RASGRP3: variants seen among roughly 807,000 people sequenced by gnomAD.
RASGRP3 encodes RAS guanyl releasing protein 3.
Under a neutral mutation model 82.7 loss-of-function variants are expected in RASGRP3, and 54 were observed. The observed-to-expected ratio is 0.65, with a 90% CI of 0.52 to 0.82. The LOEUF (loss-of-function observed/expected upper bound fraction) is 0.82, where lower values mean the gene tolerates loss of function less well. Ranked by LOEUF, RASGRP3 falls within the 40% of genes least tolerant of loss-of-function variation. The probability of loss-of-function intolerance (pLI) is 0.00; values close to 1 mark genes in which losing one functional copy is unlikely to be tolerated. For missense variants in RASGRP3, 861 were observed against 828.9 expected, an observed-to-expected ratio of 1.04 and a Z score of -0.48; for synonymous variants, 309 against 300.5, an observed-to-expected ratio of 1.03 and a Z score of -0.29.
intron 2 of RASGRP3, among the ~76,000 whole-genome samples, chr2:33,450,876 C>T (rs1381252807): frequency 1.3e-4 from 9 of 71,888 alleles, no homozygotes; most frequent in African/African-American, 3.1e-4. Context: ...CTTGCTCATT[C>T]GCCCAGGCTG....
chr2:33,504,682 T>C (rs1238265163), intron 1 of RASGRP3, among the ~76,000 whole-genome samples: 2 of 152,212 alleles, frequency 1.3e-5, no homozygotes, highest in African/African-American at 2.4e-5. Context: ...TTAGGAGAGA[T>C]TTTGTAGTCC....
chr2:33,554,409 AT>A (rs960024716), intron 14 of RASGRP3, among the ~76,000 whole-genome samples: 1 of 152,162 alleles, frequency 6.6e-6, no homozygotes, highest in Non-Finnish European at 1.5e-5. Context: ...CCCATACTGT[AT>A]GCCTCTGGTG....
At chr2:33,479,314 C>A (rs188586753) in intron 1 of RASGRP3, among the ~76,000 whole-genome samples, 1 of 152,122 alleles carries the variant, frequency 6.6e-6, no homozygotes, top group Non-Finnish European at 1.5e-5. Flanking sequence ...GAACAGCAAC[C>A]GGGAACTTTG....
At chr2:33,557,154 G>A (rs917955292) in intron 15 of RASGRP3, among the ~76,000 whole-genome samples, 1 of 152,186 alleles carries the variant, frequency 6.6e-6, no homozygotes, top group African/African-American at 2.4e-5. Context: ...TCTCAGTGAA[G>A]TGCAGGACCC....
In RASGRP3 at chr2:33,529,291, G is replaced by A. The variant is rs546659097; in HGVS notation, c.1083+1879G>A. On this transcript the variant is annotated intron_variant, in intron 10 of 17. Transcript: ENST00000403687. ...GGGCAGATCACAAGGTCAGGAGATC[G>A]AGACCATCCTGGCTAACACGGTGAA... is the stretch of plus-strand genomic sequence containing the variant. Among the ~76,000 whole-genome samples the A allele has an allele frequency of 1.5e-4, 23 of 151,612 alleles. No individual in the cohort carries two copies. The South Asian group carries it at 3.8e-3, about 25-fold the overall frequency.
chr2:33,559,631 T>C (rs1676425036), intron 17 of RASGRP3: 2 of 518,774 alleles, frequency 3.9e-6, no homozygotes, highest in Non-Finnish European at 7.7e-6. Flanking sequence ...TGATTCAAGA[T>C]GGAGTTAGAT....
Position 33,558,812 on chromosome 2 carries a change from A to G in RASGRP3, c.1846A>G (p.Thr616Ala). 6.2e-7 allele frequency: 1 copy of G among 1,614,018 alleles called. No individual in the cohort carries two copies. Among genetic ancestry groups the G allele is most frequent in the African/African-American group, 1.3e-5 (1 of 75,042 alleles). ...GGCCACCACCAGCCAGGCCACCCAG[A>G]CTGAACCTGTCTGGTCAGAGGCTGG... ...QRATTSQATQ[T>A]EPVWSEAGWG... The change falls in exon 17 of 18, where the codon ACT (threonine) becomes GCT (alanine). Residue 616 changes from threonine to alanine, a missense_variant. By Grantham distance (58) the Thr-to-Ala change is moderately conservative. Coordinates refer to ENST00000403687, the MANE Select transcript of RASGRP3 (RefSeq NM_001139488.2).
intron 14 of RASGRP3, 40 bp downstream of exon 14, chr2:33,549,791 T>C: frequency 6.3e-7 from 1 of 1,579,844 alleles, no homozygotes; most frequent in Non-Finnish European, 8.6e-7. Context: ...TGTGTAGTTA[T>C]TTGTGTGGCA....
At chr2:33,489,718 T>A (rs972154775) in intron 1 of RASGRP3, among the ~76,000 whole-genome samples, 24 of 152,172 alleles carry the variant, frequency 1.6e-4, no homozygotes, top group African/African-American at 5.8e-4. Flanking sequence ...GTATCATTTG[T>A]AGAGAAGGGG....
intron 2 of RASGRP3, among the ~76,000 whole-genome samples, chr2:33,461,571 C>T (rs1666369126): frequency 6.6e-6 from 1 of 152,238 alleles, no homozygotes; most frequent in African/African-American, 2.4e-5. Flanking sequence ...AGCCAATGTG[C>T]CCAGCTCCTG....
intron 6 of RASGRP3, 146 bp downstream of exon 6, chr2:33,520,830 C>A: frequency 4.8e-6 from 5 of 1,043,218 alleles, no homozygotes; most frequent in Non-Finnish European, 5.6e-6. Context: ...TGAGCGCAAG[C>A]CGTATGGGAC....
intron 4 of RASGRP3, among the ~76,000 whole-genome samples, chr2:33,517,226 G>T (rs1356707163): frequency 6.6e-6 from 1 of 152,184 alleles, no homozygotes; most frequent in Non-Finnish European, 1.5e-5. Context: ...CGTAATGAAG[G>T]CTTTTAGCAG....
chr2:33,489,375 G>T (rs778578986), intron 1 of RASGRP3, among the ~76,000 whole-genome samples: 4 of 152,172 alleles, frequency 2.6e-5, no homozygotes, highest in Non-Finnish European at 4.4e-5. Flanking sequence ...ATCGGCGTCA[G>T]GGTGGAGATG....
rs199866643 is a variant in RASGRP3 at position 33,539,074 on chromosome 2, GT to G, written c.1162-10del. ...TAATAATAAAGTTGAAAAATATGTGGTTTTTTTTTTGTTTATCAGCAGCCTA... is the reference window on the plus strand; with the variant it reads ...TAATAATAAAGTTGAAAAATATGTGGTTTTTTTTTGTTTATCAGCAGCCTA... On this transcript the variant is annotated intron_variant, in intron 11 of 17. Coordinates refer to ENST00000403687, the MANE Select transcript of RASGRP3 (RefSeq NM_001139488.2). 1.5e-3 allele frequency: 1,934 copies of G among 1,282,176 alleles called. No individual in the cohort carries two copies. The highest frequency in any genetic ancestry group is 1.7e-3 in the South Asian group (113 of 66,280). The allele number at this position is 1,282,176 out of a possible 1,614,324, so 79.4% of individuals were successfully genotyped here.
chr2:33,449,421 C>A (rs1400557460), intron 2 of RASGRP3, among the ~76,000 whole-genome samples: 1 of 152,094 alleles, frequency 6.6e-6, no homozygotes, highest in African/African-American at 2.4e-5. Flanking sequence ...CTAGAAAAAA[C>A]CATGTTTGAT....
At chr2:33,524,885 C>A (rs1672375101) in intron 9 of RASGRP3, among the ~76,000 whole-genome samples, 1 of 151,960 alleles carries the variant, frequency 6.6e-6, no homozygotes, top group African/African-American at 2.4e-5. Flanking sequence ...CTATACCATC[C>A]TGGCTAACGT....
At chr2:33,560,722 T>C (rs1676554805) in intron 17 of RASGRP3, among the ~76,000 whole-genome samples, 1 of 152,372 alleles carries the variant, frequency 6.6e-6, no homozygotes, top group East Asian at 1.9e-4. Flanking sequence ...AGGTAGATGG[T>C]AGGACGCCTA....
chr2:33,515,444 G>T (rs1021418255), intron 3 of RASGRP3, among the ~76,000 whole-genome samples: 2 of 152,052 alleles, frequency 1.3e-5, no homozygotes, highest in African/African-American at 4.8e-5. Flanking sequence ...AACATTCTCT[G>T]CACCTTTCTA....
At chr2:33,542,768 C>T (rs573542011) in intron 12 of RASGRP3, among the ~76,000 whole-genome samples, 1 of 148,628 alleles carries the variant, frequency 6.7e-6, no homozygotes, top group South Asian at 2.1e-4. Flanking sequence ...ACTGCAACCT[C>T]CTCCTCCCAG....
Sources: gnomAD v4.1 joint callset for allele counts (sites outside exome capture counted in the v4.1 genomes callset) on GRCh38, gnomAD v4.1.1 for gene constraint, MANE v1.5 for transcripts, NCBI Gene and HGNC (gene_info 2026-07-23, HGNC 2026-07-21) for gene names.